TAFA1: variants seen among roughly 807,000 people sequenced by gnomAD.
TAFA1 encodes TAFA chemokine like family member 1, also known as chemokine-like protein TAFA-1.
TAFA1 carries 4 observed loss-of-function variants against 18.5 expected under a neutral mutation model. The observed-to-expected ratio is 0.22, with a 90% CI of 0.11 to 0.49. TAFA1 has a LOEUF of 0.49. Among genes scored for constraint, TAFA1 ranks in the 20% least tolerant of loss-of-function variants. The pLI, the probability that TAFA1 is intolerant of heterozygous loss-of-function variation, is 0.98. For missense variants in TAFA1, 147 were observed against 169.0 expected (o/e 0.87, Z 0.72); for synonymous variants, 56 against 55.2 (o/e 1.01, Z -0.06).
At chr3:68,049,248 C>G (rs2064435292) in intron 2 of TAFA1, among the ~76,000 whole-genome samples, 1 of 152,084 alleles carries the variant, frequency 6.6e-6, no homozygotes, top group Non-Finnish European at 1.5e-5. Context: ...AACTCTAAAT[C>G]TTTGCCTACG....
At chr3:68,172,656 T>C (rs1664274396) in intron 2 of TAFA1, among the ~76,000 whole-genome samples, 2 of 152,114 alleles carry the variant, frequency 1.3e-5, no homozygotes, top group South Asian at 4.1e-4. Flanking sequence ...ATAAAATAAG[T>C]TGTATATACA....
chr3:68,130,607 G>T (rs928154727), intron 2 of TAFA1, among the ~76,000 whole-genome samples: 3 of 152,148 alleles, frequency 2.0e-5, no homozygotes, highest in Non-Finnish European at 2.9e-5. Context: ...TGCCAAGTTT[G>T]TGCCACTGCC....
chr3:68,392,366 C>T (rs770523807), intron 2 of TAFA1, among the ~76,000 whole-genome samples: 5 of 151,910 alleles, frequency 3.3e-5, no homozygotes, highest in Admixed American at 6.6e-5. Flanking sequence ...TAAAGCAAGT[C>T]CTTAGAGACC....
chr3:68,373,523 G>A (rs1017540804), intron 2 of TAFA1, among the ~76,000 whole-genome samples: 6 of 152,262 alleles, frequency 3.9e-5, no homozygotes, highest in Admixed American at 2.6e-4. Flanking sequence ...CTTAAATCCA[G>A]GTTATCTGCT....
chr3:68,354,069 A>C (rs899215645), intron 2 of TAFA1, among the ~76,000 whole-genome samples: 2 of 151,982 alleles, frequency 1.3e-5, no homozygotes, highest in East Asian at 3.9e-4. Flanking sequence ...AGTTTTGACT[A>C]TAGGGGTTTT....
intron 2 of TAFA1, among the ~76,000 whole-genome samples, chr3:68,412,219 A>T (rs1375492560): frequency 6.6e-6 from 1 of 152,074 alleles, no homozygotes; most frequent in Non-Finnish European, 1.5e-5. Context: ...TTTTTCAAAG[A>T]AATGACAGCA....
chr3:68,264,713 A>C (rs1020299218), intron 2 of TAFA1, among the ~76,000 whole-genome samples: 2 of 152,044 alleles, frequency 1.3e-5, no homozygotes, highest in African/African-American at 4.8e-5. Context: ...TATATAGATA[A>C]TTTCTATAAA....
intron 2 of TAFA1, among the ~76,000 whole-genome samples, chr3:68,155,905 T>C (rs1038982632): frequency 2.6e-5 from 4 of 152,178 alleles, no homozygotes; most frequent in East Asian, 1.9e-4. Context: ...CAATTACTAA[T>C]TGATCCAAGC....
intron 3 of TAFA1, among the ~76,000 whole-genome samples, chr3:68,517,288 T>C (rs1171681851): frequency 6.6e-6 from 1 of 152,234 alleles, no homozygotes; most frequent in African/African-American, 2.4e-5. Flanking sequence ...CCGCAGAGAA[T>C]GTAATACCAG....
At chr3:68,326,902 G>A (rs1485422269) in intron 2 of TAFA1, among the ~76,000 whole-genome samples, 1 of 152,148 alleles carries the variant, frequency 6.6e-6, no homozygotes, top group Non-Finnish European at 1.5e-5. Flanking sequence ...CCAAATTCTA[G>A]ATTATAGATT....
chr3:68,204,729 T>C (rs2066506525), intron 2 of TAFA1, among the ~76,000 whole-genome samples: 1 of 151,838 alleles, frequency 6.6e-6, no homozygotes, highest in African/African-American at 2.4e-5. Flanking sequence ...AGCTCTAACT[T>C]ATTTTAATGG....
chr3:68,392,569 C>T (rs895953859), intron 2 of TAFA1, among the ~76,000 whole-genome samples: 1 of 152,154 alleles, frequency 6.6e-6, no homozygotes, highest in Admixed American at 6.5e-5. Context: ...TTCTTCTCAG[C>T]ACCGTATCGC....
intron 3 of TAFA1, among the ~76,000 whole-genome samples, chr3:68,434,983 G>C (rs553500635): frequency 6.6e-6 from 1 of 152,246 alleles, no homozygotes; most frequent in Admixed American, 6.6e-5. Context: ...CATGATTTCT[G>C]CTTCAATGAT....
chr3:68,351,406 G>A (rs2069263684), intron 2 of TAFA1, among the ~76,000 whole-genome samples: 1 of 152,032 alleles, frequency 6.6e-6, no homozygotes, highest in Non-Finnish European at 1.5e-5. Context: ...ATTTCTTAGT[G>A]TATTAAGCAG....
intron 2 of TAFA1, among the ~76,000 whole-genome samples, chr3:68,390,573 A>C (rs2070214953): frequency 6.6e-6 from 1 of 152,218 alleles, no homozygotes; most frequent in Non-Finnish European, 1.5e-5. Context: ...GACACCTCCC[A>C]GCAGGGGTTG....
chr3:68,373,861 T>A (rs577877670), intron 2 of TAFA1, among the ~76,000 whole-genome samples: 40 of 152,218 alleles, frequency 2.6e-4, no homozygotes, highest in Non-Finnish European at 4.4e-4. Context: ...AACATTCATT[T>A]TGTTAGGACT....
intron 2 of TAFA1, among the ~76,000 whole-genome samples, chr3:68,380,979 TC>T (rs1196471329): frequency 2.0e-5 from 3 of 149,180 alleles, no homozygotes; most frequent in African/African-American, 7.5e-5. Context: ...GTTTCAGCTT[TC>T]TACATATGGC....
chr3:68,332,160 G>A (rs1326220214), intron 2 of TAFA1, among the ~76,000 whole-genome samples: 1 of 151,714 alleles, frequency 6.6e-6, no homozygotes, highest in East Asian at 1.9e-4. Context: ...ACCGCGCCCG[G>A]CCAAGGATAG....
At chr3:68,086,519 TCTTATAA>T (rs750688920) in intron 2 of TAFA1, among the ~76,000 whole-genome samples, 6 of 152,236 alleles carry the variant, frequency 3.9e-5, no homozygotes, top group Non-Finnish European at 7.3e-5. Flanking sequence ...TTTCACTTAT[TCTTATAA>T]ACTTCTTATA....
Sources: gnomAD v4.1 joint callset for allele counts (sites outside exome capture counted in the v4.1 genomes callset) on GRCh38, gnomAD v4.1.1 for gene constraint, MANE v1.5 for transcripts, NCBI Gene and HGNC (gene_info 2026-07-23, HGNC 2026-07-21) for gene names.